Variants in ADAM18 observed in about 807,000 individuals in gnomAD.
The protein encoded by ADAM18 is ADAM metallopeptidase domain 18, also known as disintegrin and metalloproteinase domain-containing protein 18.
A neutral mutation model predicts 94.4 loss-of-function variants in ADAM18; 117 were observed. The observed-to-expected ratio is 1.24, with a 90% CI of 1.07 to 1.45. The LOEUF is 1.45. ADAM18 is among the 40% of genes most tolerant of loss of function. The pLI, the probability that ADAM18 is intolerant of heterozygous loss-of-function variation, is 0.00. For missense variants in ADAM18, 936 were observed against 880.0 expected, an observed-to-expected ratio of 1.06 and a Z score of -0.81; for synonymous variants, 327 against 291.6, an observed-to-expected ratio of 1.12 and a Z score of -1.24.
At chr8:39,688,205 A>C (rs908965671) in intron 16 of ADAM18, among the ~76,000 whole-genome samples, 2 of 152,146 alleles carry the variant, frequency 1.3e-5, no homozygotes, top group African/African-American at 4.8e-5. Flanking sequence ...ATGATTAGTG[A>C]TGATGAACTT....
chr8:39,653,303 T>G (rs923070222), intron 12 of ADAM18, among the ~76,000 whole-genome samples: 1 of 152,028 alleles, frequency 6.6e-6, no homozygotes, highest in Non-Finnish European at 1.5e-5. Context: ...TTTTAAAAAA[T>G]GTATTTTTAA....
Position 39,686,482 on chromosome 8 carries a change from A to T in ADAM18, c.1822-6118A>T, listed in dbSNP as rs564495496. 6.6e-5 allele frequency among the ~76,000 whole-genome samples: 10 copies of T among 152,208 alleles called. No homozygotes were observed. The East Asian group carries it at 1.4e-3, about 21-fold the overall frequency. On this transcript the variant is annotated intron_variant, in intron 16 of 19. Coordinates refer to ENST00000265707, the MANE Select transcript of ADAM18 (RefSeq NM_014237.3). ...CCTCTTTTATTAAGGCGCTAATCTC[A>T]TTCATGGGGATTCTACCCTTGTGAC...
At chr8:39,656,396 T>C (rs912516509) in intron 12 of ADAM18, among the ~76,000 whole-genome samples, 1 of 152,094 alleles carries the variant, frequency 6.6e-6, no homozygotes, top group Non-Finnish European at 1.5e-5. Context: ...AAAGGATGCC[T>C]TTACAAAAAA....
chr8:39,624,287 A>G (rs1323971323), intron 6 of ADAM18, among the ~76,000 whole-genome samples: 1 of 152,140 alleles, frequency 6.6e-6, no homozygotes, highest in African/African-American at 2.4e-5. Flanking sequence ...TTCAGGTGTT[A>G]AATTTAAGTC....
chr8:39,657,057 G>A (rs1290307221), intron 12 of ADAM18, among the ~76,000 whole-genome samples: 1 of 152,112 alleles, frequency 6.6e-6, no homozygotes, highest in Non-Finnish European at 1.5e-5. Context: ...TATCATAATA[G>A]CAAAGAAAAG....
intron 18 of ADAM18, among the ~76,000 whole-genome samples, chr8:39,718,080 G>T (rs1184139813): frequency 2.0e-5 from 3 of 151,396 alleles, no homozygotes; most frequent in Non-Finnish European, 4.4e-5. Context: ...AACAAATAAA[G>T]GATGTGAAGA....
At chr8:39,693,102 A>G (rs576473937) in intron 17 of ADAM18, among the ~76,000 whole-genome samples, 8 of 151,656 alleles carry the variant, frequency 5.3e-5, no homozygotes, top group African/African-American at 1.9e-4. Flanking sequence ...TCACGCAAAA[A>G]GCTTTTTTTA....
chr8:39,709,971 T>C (rs1822350370), intron 18 of ADAM18, among the ~76,000 whole-genome samples: 1 of 152,220 alleles, frequency 6.6e-6, no homozygotes, highest in Non-Finnish European at 1.5e-5. Flanking sequence ...TAGTTATCTG[T>C]GGGAAAATTA....
At position 39,662,944 on chromosome 8, in the gene ADAM18, A is replaced by G. The variant is rs529046697; in HGVS notation, c.1231-851A>G. On this transcript the variant is annotated intron_variant, in intron 12 of 19. Coordinates refer to ENST00000265707, the MANE Select transcript of ADAM18 (RefSeq NM_014237.3). ...CCAGCCCCTATTTGAATAATAATTG[A>G]CTGCCATTTACTTTTTAAAAATAAT... Among the ~76,000 whole-genome samples the G allele has an allele frequency of 1.8e-4, 27 of 152,256 alleles. No individual in the cohort carries two copies. In the South Asian group the frequency reaches 3.3e-3, roughly 19 times the overall value.
chr8:39,706,499 A>G (rs758650605), intron 17 of ADAM18, among the ~76,000 whole-genome samples: 4 of 152,148 alleles, frequency 2.6e-5, no homozygotes, highest in Non-Finnish European at 4.4e-5. Flanking sequence ...CTGAATATGA[A>G]GACTACAACT....
At chr8:39,688,828 A>G (rs1821687894) in intron 16 of ADAM18, among the ~76,000 whole-genome samples, 1 of 152,178 alleles carries the variant, frequency 6.6e-6, no homozygotes, top group South Asian at 2.1e-4. Flanking sequence ...ATTCCCACTA[A>G]TAGTGTGTAA....
At chr8:39,617,155 A>T (rs1407103266) in intron 6 of ADAM18, among the ~76,000 whole-genome samples, 2 of 152,052 alleles carry the variant, frequency 1.3e-5, no homozygotes, top group Non-Finnish European at 1.5e-5. Flanking sequence ...TACAAGAAAA[A>T]AAAGAATCCT....
At chr8:39,647,065 G>A (rs1486895466) in intron 11 of ADAM18, among the ~76,000 whole-genome samples, 1 of 151,996 alleles carries the variant, frequency 6.6e-6, no homozygotes, top group Non-Finnish European at 1.5e-5. Flanking sequence ...AAGACACAGA[G>A]ACAAAGTATA....
chr8:39,657,717 A>G (rs1330698317), intron 12 of ADAM18, among the ~76,000 whole-genome samples: 1 of 152,224 alleles, frequency 6.6e-6, no homozygotes, highest in Non-Finnish European at 1.5e-5. Flanking sequence ...TATTCAACAT[A>G]TAACTTTAGA....
At chr8:39,602,267 A>G (rs1480115422) in intron 2 of ADAM18, among the ~76,000 whole-genome samples, 1 of 152,132 alleles carries the variant, frequency 6.6e-6, no homozygotes, top group Non-Finnish European at 1.5e-5. Flanking sequence ...CCTCTCTAGT[A>G]TTTTTTGTAA....
At chr8:39,618,762 C>A (rs1167696382) in intron 6 of ADAM18, among the ~76,000 whole-genome samples, 1 of 152,134 alleles carries the variant, frequency 6.6e-6, no homozygotes. Context: ...CCGCAAGGGT[C>A]GCATTCCATT....
At chr8:39,630,719 G>A (rs1005518486) in intron 7 of ADAM18, among the ~76,000 whole-genome samples, 3 of 151,808 alleles carry the variant, frequency 2.0e-5, no homozygotes, top group Admixed American at 6.6e-5. Flanking sequence ...ATGTCTTTTG[G>A]TAGACATAAT....
chr8:39,688,930 C>G (rs1554512775), intron 16 of ADAM18, among the ~76,000 whole-genome samples: 2 of 152,034 alleles, frequency 1.3e-5, no homozygotes, highest in Non-Finnish European at 2.9e-5. Context: ...TGGTATCTCA[C>G]TTTGGTTTTG....
rs565662899 is a variant in ADAM18, at chr8:39,667,996, A to G, written c.1327-2A>G. 1.4e-5 allele frequency: 22 copies of G among 1,613,264 alleles called. No homozygotes were observed. The highest frequency in any genetic ancestry group is 6.7e-5 in the East Asian group (3 of 44,842). On this transcript the variant is annotated splice_acceptor_variant, in intron 13 of 19. Coordinates refer to ENST00000265707, the MANE Select transcript of ADAM18 (RefSeq NM_014237.3). LOFTEE classifies it high-confidence loss of function. ...TAATTTTATTTTTCCTTTTCCTCCCAGTTGTCAATAGCAGGCACTCCATGT... is the reference window on the plus strand; with the variant it reads ...TAATTTTATTTTTCCTTTTCCTCCCGGTTGTCAATAGCAGGCACTCCATGT...
Sources: gnomAD v4.1 joint callset for allele counts (sites outside exome capture counted in the v4.1 genomes callset) on GRCh38, gnomAD v4.1.1 for gene constraint, MANE v1.5 for transcripts, NCBI Gene and HGNC (gene_info 2026-07-23, HGNC 2026-07-21) for gene names.